The following NOP9 variants were observed in gnomAD, a reference collection of about 807,000 sequenced individuals.
NOP9 encodes the protein nucleolar protein 9.
In NOP9, 50 loss-of-function variants were observed where a neutral mutation model predicts 63.0. The ratio of observed to expected loss-of-function variants is 0.79; its 90% CI spans 0.63 to 1.00. The LOEUF (loss-of-function observed/expected upper bound fraction) is 1.00, where lower values mean the gene tolerates loss of function less well. NOP9 is among the 50% of genes least tolerant of loss of function. The pLI, the probability that NOP9 is intolerant of heterozygous loss-of-function variation, is 0.00. For missense variants in NOP9, 758 were observed against 803.0 expected, an observed-to-expected ratio of 0.94 and a Z score of 0.68; for synonymous variants, 343 against 332.8, an observed-to-expected ratio of 1.03 and a Z score of -0.33.
At chr14:24,295,289 A>C (rs1174643778), upstream of NOP9, among the ~76,000 whole-genome samples, 1 of 152,238 alleles carries the variant, frequency 6.6e-6, no homozygotes, top group African/African-American at 2.4e-5. Context: ...GAATAAGATT[A>C]TACTGGTCTT....
At chr14:24,283,023 T>C in the NOP9 span, among the ~76,000 whole-genome samples, 1 of 152,196 alleles carries the variant, frequency 6.6e-6, no homozygotes, top group Non-Finnish European at 1.5e-5. Flanking sequence ...TCTCAGCACA[T>C]GACAACTCTG....
the NOP9 span, among the ~76,000 whole-genome samples, chr14:24,275,562 C>T: frequency 6.6e-6 from 1 of 152,204 alleles, no homozygotes; most frequent in Non-Finnish European, 1.5e-5. Context: ...TCCCAACATA[C>T]ATACACAGAA....
chr14:24,290,893 T>G, the NOP9 span: 1 of 1,613,652 alleles, frequency 6.2e-7, no homozygotes, highest in Non-Finnish European at 8.5e-7. Flanking sequence ...AATAATCCAC[T>G]TGGGCACACG....
At chr14:24,299,045 C>T (rs753215367), upstream of NOP9, 21 of 1,613,922 alleles carry the variant, frequency 1.3e-5, no homozygotes, top group Admixed American at 1.7e-4. Context: ...GGCAATGCCA[C>T]GGCCAATACC....
the NOP9 span, chr14:24,292,921 G>C: frequency 1.8e-6 from 2 of 1,089,508 alleles, no homozygotes; most frequent in Non-Finnish European, 2.5e-6. Context: ...AGCGACCTGA[G>C]GAATTAGGGG....
the NOP9 span, among the ~76,000 whole-genome samples, chr14:24,271,917 C>T: frequency 1.6e-4 from 24 of 152,240 alleles, no homozygotes; most frequent in African/African-American, 5.5e-4. Flanking sequence ...TTTTCTCTAA[C>T]CTCTGAAGCA....
chr14:24,282,889 G>A, the NOP9 span, among the ~76,000 whole-genome samples: 2,625 of 152,218 alleles, frequency 0.017, 86 homozygotes, highest in African/African-American at 0.06. Flanking sequence ...AGCTGAGCCT[G>A]AGCCTGCACC....
At chr14:24,271,307 A>G in the NOP9 span, 5 of 594,516 alleles carry the variant, frequency 8.4e-6, no homozygotes, top group Non-Finnish European at 1.3e-5. Flanking sequence ...ACGTTCCACA[A>G]GAGGTGAGCA....
upstream of NOP9, chr14:24,298,726 C>T (rs1448303350): frequency 6.2e-6 from 3 of 482,978 alleles, no homozygotes; most frequent in Admixed American, 3.8e-5. Context: ...ACTGCAGGAA[C>T]GTGCCACCAT....
chr14:24,302,281 C>A lies in NOP9; in HGVS notation c.1000C>A (p.Gln334Lys), dbSNP rs1323889806. 1 of 1,614,150 alleles carries A rather than the reference C, an allele frequency of 6.2e-7. No individual in the cohort carries two copies. The highest frequency in any genetic ancestry group is 8.5e-7 in the Non-Finnish European group (1 of 1,179,990). ...RDQTSSRLLE[Q>K]VLLVLEPPRL... ...TCAGACGAGTTCCAGACTCCTGGAG[C>A]AGGTCCTGCTGGTGTTGGAGCCCCC... Residue 334 changes from glutamine (Q) to lysine (K), a missense_variant, in exon 5 of 10, where the codon CAG (glutamine) becomes AAG (lysine). Coordinates refer to ENST00000267425, the MANE Select transcript of NOP9 (RefSeq NM_174913.3).
chr14:24,295,538 A>G (rs2041235058), upstream of NOP9, among the ~76,000 whole-genome samples: 1 of 152,160 alleles, frequency 6.6e-6, no homozygotes, highest in Non-Finnish European at 1.5e-5. Flanking sequence ...TACCTTGGAT[A>G]ATTCATCAGG....
chr14:24,292,259 C>G, the NOP9 span: 1 of 1,614,178 alleles, frequency 6.2e-7, no homozygotes, highest in Non-Finnish European at 8.5e-7. Flanking sequence ...GCACAATCCC[C>G]GGCCACAGAG....
chr14:24,280,377 T>C, the NOP9 span, among the ~76,000 whole-genome samples: 2 of 152,146 alleles, frequency 1.3e-5, no homozygotes, highest in African/African-American at 4.8e-5. Flanking sequence ...AAGCCCTGGC[T>C]TGGGGCTCGG....
the NOP9 span, chr14:24,290,473 T>G: frequency 2.4e-5 from 5 of 211,880 alleles, no homozygotes; most frequent in East Asian, 1.3e-4. Flanking sequence ...CAGGAACAGT[T>G]CTGGAGGAAA....
At chr14:24,284,860 C>T in the NOP9 span, among the ~76,000 whole-genome samples, 2 of 152,122 alleles carry the variant, frequency 1.3e-5, no homozygotes, top group African/African-American at 4.8e-5. Flanking sequence ...GTGCTCCTCA[C>T]TCTCTGTGCC....
At chr14:24,278,145 C>T in the NOP9 span, among the ~76,000 whole-genome samples, 1 of 152,140 alleles carries the variant, frequency 6.6e-6, no homozygotes. Flanking sequence ...CATGATGGAT[C>T]CCCAGCAGCC....
At chr14:24,277,213 G>A in the NOP9 span, among the ~76,000 whole-genome samples, 4 of 152,188 alleles carry the variant, frequency 2.6e-5, no homozygotes, top group Admixed American at 6.5e-5. Flanking sequence ...AGAGGTCCTA[G>A]AACATGGGCG....
In NOP9 at chr14:24,307,983, A is replaced by C; in HGVS notation, c.*2888A>C. The C allele has an allele frequency of 3.4e-6, 3 of 874,990 alleles. No individual in the cohort carries two copies. Among genetic ancestry groups the C allele is most frequent in the African/African-American group, 1.7e-5 (1 of 59,890 alleles). 54.2% of individuals were successfully genotyped at this position (874,990 alleles called of 1,614,324 possible). A position where few individuals can be genotyped will look rare whatever the true frequency, so the allele number is the denominator to read the frequency against. On this transcript the variant is annotated 3_prime_UTR_variant, in exon 10 of 10. Transcript: ENST00000267425. ...GCCCAGGACAAGGTGGGAATGAGTC[A>C]AGCCTGGACTCTGGCCCCCCTGCCT...
At chr14:24,291,941 CT>C in the NOP9 span, 1 of 613,362 alleles carries the variant, frequency 1.6e-6, no homozygotes. Context: ...GCTAGACAGC[CT>C]TTCCACTTAG....
Sources: gnomAD v4.1 joint callset for allele counts (sites outside exome capture counted in the v4.1 genomes callset) on GRCh38, gnomAD v4.1.1 for gene constraint, MANE v1.5 for transcripts, NCBI Gene and HGNC (gene_info 2026-07-23, HGNC 2026-07-21) for gene names.